The following THSD7B variants were observed in gnomAD, a reference collection of about 807,000 sequenced individuals.
THSD7B encodes thrombospondin type 1 domain containing 7B, also known as thrombospondin type-1 domain-containing protein 7B.
Under a neutral mutation model 213.6 loss-of-function variants are expected in THSD7B, and 138 were observed. The observed-to-expected ratio is 0.65, with a 90% CI of 0.56 to 0.74. THSD7B has a LOEUF of 0.74. Ranked by LOEUF, THSD7B falls within the 30% of genes least tolerant of loss-of-function variation. THSD7B has a pLI of 0.00. For synonymous variants in THSD7B, 742 were observed against 687.0 expected (o/e 1.08, Z -1.25); for missense variants, 1,931 against 1,991.5 (o/e 0.97, Z 0.58).
At position 137,233,638 on chromosome 2, in the gene THSD7B, T is replaced by C. The variant is rs77485117; in HGVS notation, c.2150+505T>C. Among the ~76,000 whole-genome samples, 999 of 152,284 alleles carry C rather than the reference T, an allele frequency of 6.6e-3. 8 individuals carry two copies. The highest frequency in any genetic ancestry group is 0.011 in the Non-Finnish European group (754 of 68,012). ...ACAATCTCATGCATGTTATACTCTATGTACATGGAGATATAAAACTTTTTA... is the reference window on the plus strand; with the variant it reads ...ACAATCTCATGCATGTTATACTCTACGTACATGGAGATATAAAACTTTTTA... On this transcript the variant is annotated intron_variant, in intron 9 of 27. Coordinates refer to ENST00000409968, the MANE Select transcript of THSD7B (RefSeq NM_001316349.2).
At chr2:136,917,072 C>A (rs1684362381) in intron 2 of THSD7B, among the ~76,000 whole-genome samples, 1 of 152,142 alleles carries the variant, frequency 6.6e-6, no homozygotes, top group South Asian at 2.1e-4. Context: ...GAGGAGCCTG[C>A]TTGTTTGGAT....
intron 27 of THSD7B, among the ~76,000 whole-genome samples, chr2:137,670,469 A>T (rs1267197262): frequency 9.2e-6 from 1 of 108,496 alleles, no homozygotes; most frequent in Non-Finnish European, 1.9e-5. Context: ...TTTTCTAACA[A>T]GGAAAATTTT....
chr2:137,639,372 A>T (rs1373357565), intron 20 of THSD7B, among the ~76,000 whole-genome samples: 1 of 152,212 alleles, frequency 6.6e-6, no homozygotes, highest in East Asian at 1.9e-4. Flanking sequence ...GTATTTCAGA[A>T]GATGTATGGA....
chr2:136,947,100 C>A (rs1684955457), intron 2 of THSD7B, among the ~76,000 whole-genome samples: 1 of 152,184 alleles, frequency 6.6e-6, no homozygotes. Context: ...GGAGCTGTTC[C>A]TATTCGGCCA....
intron 3 of THSD7B, among the ~76,000 whole-genome samples, chr2:137,077,796 G>A (rs539591139): frequency 2.1e-3 from 311 of 151,080 alleles, no homozygotes; most frequent in African/African-American, 7.4e-3. Context: ...TCTGATGGTA[G>A]TTTCTTTTGC....
At chr2:137,201,995 A>G (rs1204439199) in intron 7 of THSD7B, among the ~76,000 whole-genome samples, 2 of 152,028 alleles carry the variant, frequency 1.3e-5, no homozygotes. Flanking sequence ...CTCTCAGGGT[A>G]CTTGATTCTC....
intron 4 of THSD7B, among the ~76,000 whole-genome samples, chr2:137,096,820 T>C (rs765409834): frequency 2.4e-4 from 37 of 152,200 alleles, no homozygotes; most frequent in Non-Finnish European, 4.4e-4. Context: ...GTAGAATGCA[T>C]CTGATAATAC....
intron 3 of THSD7B, among the ~76,000 whole-genome samples, chr2:137,088,730 T>C (rs1178131420): frequency 1.3e-5 from 2 of 152,016 alleles, no homozygotes; most frequent in African/African-American, 4.8e-5. Flanking sequence ...AATCTATACA[T>C]GTGACAAAGT....
intron 14 of THSD7B, among the ~76,000 whole-genome samples, chr2:137,425,383 A>C (rs1335771392): frequency 2.0e-5 from 3 of 151,852 alleles, no homozygotes; most frequent in African/African-American, 7.2e-5. Flanking sequence ...CGCCCAGCTA[A>C]TTTTTGTAAT....
intron 15 of THSD7B, among the ~76,000 whole-genome samples, chr2:137,545,910 T>C (rs1208667058): frequency 1.3e-5 from 2 of 151,844 alleles, no homozygotes; most frequent in African/African-American, 4.8e-5. Context: ...GCTGACCACA[T>C]TGAATATTAC....
intron 4 of THSD7B, among the ~76,000 whole-genome samples, chr2:137,100,883 A>G (rs1469669967): frequency 1.4e-5 from 2 of 143,384 alleles, no homozygotes; most frequent in Non-Finnish European, 3.0e-5. Context: ...TGCTGCATCC[A>G]GCTTTCCAGA....
intron 17 of THSD7B, among the ~76,000 whole-genome samples, chr2:137,612,359 T>G (rs142557038): frequency 7.6e-4 from 116 of 152,264 alleles, no homozygotes; most frequent in Non-Finnish European, 1.1e-3. Flanking sequence ...GTCTTCAAGC[T>G]TGACTTCCAA....
At chr2:137,149,037 G>A (rs1444708621) in intron 5 of THSD7B, among the ~76,000 whole-genome samples, 4 of 152,252 alleles carry the variant, frequency 2.6e-5, no homozygotes, top group East Asian at 1.9e-4. Context: ...TTCATAGGCT[G>A]GATCCAGGGC....
At chr2:136,892,822 G>T (rs1683887076) in intron 2 of THSD7B, among the ~76,000 whole-genome samples, 1 of 152,102 alleles carries the variant, frequency 6.6e-6, no homozygotes, top group South Asian at 2.1e-4. Context: ...AGTTCTGCAA[G>T]TATAAATTGC....
chr2:137,545,161 T>C (rs2105196722), intron 15 of THSD7B, among the ~76,000 whole-genome samples: 1 of 152,012 alleles, frequency 6.6e-6, no homozygotes, highest in South Asian at 2.1e-4. Context: ...CAGTTTACTC[T>C]GAGCTCCAAA....
At chr2:137,505,507 T>C (rs893742786) in intron 15 of THSD7B, among the ~76,000 whole-genome samples, 1 of 152,198 alleles carries the variant, frequency 6.6e-6, no homozygotes, top group African/African-American at 2.4e-5. Flanking sequence ...GCAGAGCTTT[T>C]GTACCAGCCC....
chr2:137,620,568 G>A, intron 19 of THSD7B, 41 bp from the exon 20 acceptor site: 1 of 1,495,280 alleles, frequency 6.7e-7, no homozygotes, highest in Non-Finnish European at 9.3e-7. Flanking sequence ...TGACTAAAGA[G>A]TGATTTCTCC....
At chr2:137,602,492 T>A (rs1337423953) in intron 17 of THSD7B, among the ~76,000 whole-genome samples, 1 of 151,960 alleles carries the variant, frequency 6.6e-6, no homozygotes, top group Non-Finnish European at 1.5e-5. Flanking sequence ...ATGGTCTCAA[T>A]CTCCTGACCT....
At chr2:137,262,141 A>C (rs777875900) in intron 10 of THSD7B, among the ~76,000 whole-genome samples, 5 of 152,186 alleles carry the variant, frequency 3.3e-5, no homozygotes, top group Non-Finnish European at 7.3e-5. Flanking sequence ...CGGCCTGAAT[A>C]GCATTCTTAA....
Sources: gnomAD v4.1 joint callset for allele counts (sites outside exome capture counted in the v4.1 genomes callset) on GRCh38, gnomAD v4.1.1 for gene constraint, MANE v1.5 for transcripts, NCBI Gene and HGNC (gene_info 2026-07-23, HGNC 2026-07-21) for gene names.